The following HK1 variants were observed in gnomAD, a reference collection of about 807,000 sequenced individuals.
HK1 encodes the protein hexokinase 1, also known as hexokinase-1.
A neutral mutation model predicts 91.6 loss-of-function variants in HK1; 28 were observed. The observed-to-expected ratio is 0.31, with a 90% CI of 0.23 to 0.42. The LOEUF is 0.42. Among genes scored for constraint, HK1 ranks in the 10% least tolerant of loss-of-function variants. HK1 has a pLI of 1.00. For synonymous variants in HK1, 430 were observed against 468.1 expected (o/e 0.92, Z 1.05); for missense variants, 770 against 1,219.8 (o/e 0.63, Z 5.49).
intron 1 of HK1, among the ~76,000 whole-genome samples, chr10:69,329,803 T>A (rs1453147850): frequency 1.3e-5 from 2 of 152,154 alleles, no homozygotes; most frequent in Middle Eastern, 3.4e-3. Flanking sequence ...CCCCATCTCC[T>A]GCCCCTCCCC....
chr10:69,302,918 C>T (rs910198511), intron 5 of HK1, among the ~76,000 whole-genome samples: 7 of 151,856 alleles, frequency 4.6e-5, no homozygotes, highest in East Asian at 1.9e-4. Flanking sequence ...TCAGCAGAGG[C>T]GATGAGGGGC....
rs557994641 is a variant in HK1, at chr10:69,364,914, C to T, written c.495+12C>T. On this transcript the variant is annotated intron_variant, in intron 4 of 17. Transcript: ENST00000359426. ...CCAAAATAGATGAGGTAAGGATGTT[C>T]TGGGATTATCGGGCTCTGCAGATGC... 1.2e-6 allele frequency: 2 copies of T among 1,614,014 alleles called. No homozygotes were observed. Among genetic ancestry groups the T allele is most frequent in the Admixed American group, 1.7e-5 (1 of 60,010 alleles).
upstream of HK1, among the ~76,000 whole-genome samples, chr10:69,315,469 C>T (rs1052619780): frequency 2.0e-5 from 3 of 152,070 alleles, no homozygotes; most frequent in Non-Finnish European, 4.4e-5. Flanking sequence ...GTTCAGGGGA[C>T]TTGAAGGGAA....
At chr10:69,276,693 A>G (rs1263913821) in intron 1 of HK1, among the ~76,000 whole-genome samples, 2 of 151,274 alleles carry the variant, frequency 1.3e-5, no homozygotes, top group African/African-American at 4.8e-5. Context: ...TAAGATATTA[A>G]TTTTAAATGA....
upstream of HK1, among the ~76,000 whole-genome samples, chr10:69,316,288 G>A (rs921277319): frequency 6.6e-6 from 1 of 152,322 alleles, no homozygotes; most frequent in South Asian, 2.1e-4. Flanking sequence ...GAAGGAGAGG[G>A]CCATGAAGGG....
chr10:69,288,832 G>A (rs955181359), intron 3 of HK1: 1 of 1,441,098 alleles, frequency 6.9e-7, no homozygotes, highest in Non-Finnish European at 9.7e-7. Flanking sequence ...CATCGCCCAG[G>A]CTGGAGTGTA....
At chr10:69,341,675 C>T (rs757558399) in intron 1 of HK1, among the ~76,000 whole-genome samples, 1 of 151,950 alleles carries the variant, frequency 6.6e-6, no homozygotes, top group African/African-American at 2.4e-5. Context: ...AGGCTAATCT[C>T]GAACTCCTGG....
At chr10:69,316,953 G>T (rs181178520), upstream of HK1, among the ~76,000 whole-genome samples, 104 of 152,350 alleles carry the variant, frequency 6.8e-4, 1 homozygote, top group South Asian at 0.012. Context: ...TAACGGCCAT[G>T]TAGGTAGTTC....
chr10:69,336,543 T>C (rs1847998851), intron 1 of HK1, among the ~76,000 whole-genome samples: 1 of 151,880 alleles, frequency 6.6e-6, no homozygotes, highest in Admixed American at 6.6e-5. Context: ...TTTCAAGTAG[T>C]TTTGTTAGAA....
intron 2 of HK1, among the ~76,000 whole-genome samples, chr10:69,352,212 C>T (rs1589527106): frequency 1.3e-5 from 2 of 152,092 alleles, no homozygotes; most frequent in Non-Finnish European, 1.5e-5. Flanking sequence ...AGGCTGGTCT[C>T]GAACTCCTGA....
chr10:69,392,751 A>T (rs563804895), intron 15 of HK1, among the ~76,000 whole-genome samples: 1 of 152,214 alleles, frequency 6.6e-6, no homozygotes, highest in Middle Eastern at 3.4e-3. Context: ...CTCAGGTACC[A>T]TGTCTGAAAT....
intron 1 of HK1, among the ~76,000 whole-genome samples, chr10:69,342,227 A>T (rs1241493433): frequency 6.6e-6 from 1 of 152,096 alleles, no homozygotes; most frequent in African/African-American, 2.4e-5. Flanking sequence ...AGGTCTTTTC[A>T]GCCTTGTGGG....
At chr10:69,327,183 G>T (rs1357673811) in intron 1 of HK1, among the ~76,000 whole-genome samples, 1 of 151,634 alleles carries the variant, frequency 6.6e-6, no homozygotes, top group Non-Finnish European at 1.5e-5. Context: ...TAGAGACGGG[G>T]TTTCACCATG....
chr10:69,381,697 G>T (rs868513216), intron 9 of HK1, among the ~76,000 whole-genome samples: 1 of 152,072 alleles, frequency 6.6e-6, no homozygotes, highest in Non-Finnish European at 1.5e-5. Flanking sequence ...GGAATTACAG[G>T]CATCTGCCAC....
At chr10:69,328,558 G>A (rs889974312) in intron 1 of HK1, among the ~76,000 whole-genome samples, 1 of 152,182 alleles carries the variant, frequency 6.6e-6, no homozygotes, top group African/African-American at 2.4e-5. Flanking sequence ...TTCAGACGGT[G>A]AGGCCCAGAT....
intron 1 of HK1, among the ~76,000 whole-genome samples, chr10:69,332,389 CT>C (rs1315007604): frequency 6.7e-6 from 1 of 149,398 alleles, no homozygotes; most frequent in African/African-American, 2.5e-5. Context: ...TTCTTTTTTT[CT>C]TTTTTTGAGA....
chr10:69,310,007 G>A (rs546092964), intron 5 of HK1, among the ~76,000 whole-genome samples: 3 of 148,544 alleles, frequency 2.0e-5, no homozygotes, highest in South Asian at 2.1e-4. Flanking sequence ...CCGGGATCAC[G>A]CTACTGCACT....
At chr10:69,366,275 G>A (rs1849694560) in intron 4 of HK1, among the ~76,000 whole-genome samples, 1 of 152,214 alleles carries the variant, frequency 6.6e-6, no homozygotes, top group African/African-American at 2.4e-5. Context: ...ACCTAGCCAG[G>A]AAGATTCCAT....
chr10:69,284,677 C>T (rs1844930454), intron 2 of HK1, among the ~76,000 whole-genome samples: 3 of 152,136 alleles, frequency 2.0e-5, no homozygotes, highest in Admixed American at 1.3e-4. Context: ...CTTGCCCTGT[C>T]GCCCAGGCTG....
Sources: allele counts gnomAD v4.1 joint callset (sites outside exome capture counted in the v4.1 genomes callset), GRCh38; gene constraint gnomAD v4.1.1; transcripts MANE v1.5; gene names NCBI Gene and HGNC (gene_info 2026-07-23, HGNC 2026-07-21).